Variants in XPNPEP3 observed in about 807,000 individuals in gnomAD.
XPNPEP3 encodes the protein X-prolyl aminopeptidase 3, also known as xaa-Pro aminopeptidase 3.
In XPNPEP3, 41 loss-of-function variants were observed where a neutral mutation model predicts 60.0. The observed-to-expected ratio is 0.68, with a 90% CI of 0.53 to 0.89. The LOEUF (loss-of-function observed/expected upper bound fraction) is 0.89, where lower values mean the gene tolerates loss of function less well. XPNPEP3 is among the 40% of genes least tolerant of loss of function. The pLI, the probability that XPNPEP3 is intolerant of heterozygous loss-of-function variation, is 0.00. For missense variants in XPNPEP3, 598 were observed against 638.9 expected (o/e 0.94, Z 0.69); for synonymous variants, 212 against 223.2 (o/e 0.95, Z 0.45).
intron 4 of XPNPEP3, among the ~76,000 whole-genome samples, chr22:40,904,883 GC>G (rs1340334045): frequency 6.6e-6 from 1 of 151,798 alleles, no homozygotes; most frequent in Non-Finnish European, 1.5e-5. Context: ...TTCTACTTCA[GC>G]CTCCTGAGCA....
At chr22:40,876,321 G>A (rs2058027696) in intron 2 of XPNPEP3, among the ~76,000 whole-genome samples, 1 of 152,086 alleles carries the variant, frequency 6.6e-6, no homozygotes, top group African/African-American at 2.4e-5. Context: ...ATCCTGCCTG[G>A]CTTTGGATTC....
Position 40,871,533 on chromosome 22 carries a change from T to C in XPNPEP3, c.181+2418T>C, listed in dbSNP as rs190569947. Among the ~76,000 whole-genome samples the C allele has an allele frequency of 2.0e-5, 3 of 152,384 alleles. No homozygotes were observed. In the East Asian group the frequency reaches 5.8e-4, roughly 29 times the overall value. On this transcript the variant is annotated intron_variant, in intron 2 of 9. Transcript: ENST00000357137. ...CCTTTCCTAATTATTACGCAAGTTC[T>C]ATACATACAGAAAAAGAGAATACAG...
At chr22:40,923,187 C>G (rs1429396394) in intron 8 of XPNPEP3, among the ~76,000 whole-genome samples, 1 of 150,886 alleles carries the variant, frequency 6.6e-6, no homozygotes, top group Non-Finnish European at 1.5e-5. Context: ...CACTCCAACC[C>G]GGGCCACAGA....
chr22:40,868,412 TTATTA>T (rs2057988937), intron 1 of XPNPEP3, among the ~76,000 whole-genome samples: 1 of 151,170 alleles, frequency 6.6e-6, no homozygotes, highest in South Asian at 2.1e-4. Flanking sequence ...ATTCATACCT[TTATTA>T]TATATGTGTG....
intron 6 of XPNPEP3, among the ~76,000 whole-genome samples, chr22:40,913,608 A>G (rs2058184583): frequency 6.6e-6 from 1 of 151,850 alleles, no homozygotes; most frequent in South Asian, 2.1e-4. Flanking sequence ...AAAAAAAATG[A>G]TAATAGTGAT....
chr22:40,908,301 C>G lies in XPNPEP3; in HGVS notation c.855+652C>G, dbSNP rs8143103. On this transcript the variant is annotated intron_variant, in intron 5 of 9. Coordinates refer to ENST00000357137, the MANE Select transcript of XPNPEP3 (RefSeq NM_022098.4). ...TTGGAAGGCTGAGATGGGAGGATCA[C>G]GTGAGCCCAGGAGTTTGAGACCAGC... 8.4e-3 allele frequency among the ~76,000 whole-genome samples: 1,276 copies of G among 151,878 alleles called. 18 individuals carry two copies. The highest frequency in any genetic ancestry group is 0.03 in the African/African-American group (1,222 of 41,418).
chr22:40,887,516 G>T (rs1043960957), intron 4 of XPNPEP3, among the ~76,000 whole-genome samples: 1 of 152,114 alleles, frequency 6.6e-6, no homozygotes, highest in Non-Finnish European at 1.5e-5. Flanking sequence ...TACAGAAGGC[G>T]GCTTTCTTGC....
At chr22:40,866,091 G>C (rs1432191988) in intron 1 of XPNPEP3, among the ~76,000 whole-genome samples, 2 of 151,978 alleles carry the variant, frequency 1.3e-5, no homozygotes, top group Non-Finnish European at 2.9e-5. Context: ...GCATGTAGTG[G>C]TACAACCATT....
chr22:40,871,969 G>T (rs567439811), intron 2 of XPNPEP3, among the ~76,000 whole-genome samples: 21 of 152,296 alleles, frequency 1.4e-4, no homozygotes, highest in African/African-American at 4.8e-4. Context: ...GGAGGCAGAG[G>T]TTGCAGTGAG....
rs931873094 is a variant in XPNPEP3, at chr22:40,885,779, C to T, written c.590-534C>T. 1.1e-4 allele frequency among the ~76,000 whole-genome samples: 17 copies of T among 152,080 alleles called. 2 individuals are homozygous for T. The highest frequency in any genetic ancestry group is 9.2e-4 in the Admixed American group (14 of 15,252). On this transcript the variant is annotated intron_variant, in intron 3 of 9. Transcript: ENST00000357137. Reference sequence around the variant, plus strand: ...GCGGGTGGATCACAAGTCAGGAGTTCGAGACCAGCCTGACCAATATGGTGA... The same window carrying T: ...GCGGGTGGATCACAAGTCAGGAGTTTGAGACCAGCCTGACCAATATGGTGA...
chr22:40,905,622 T>G (rs1251961183), intron 4 of XPNPEP3, among the ~76,000 whole-genome samples: 2 of 152,048 alleles, frequency 1.3e-5, no homozygotes, highest in African/African-American at 2.4e-5. Context: ...TGGAAGGTGC[T>G]AATTTAGATG....
chr22:40,879,774 G>A (rs1041586579), intron 2 of XPNPEP3, among the ~76,000 whole-genome samples: 3 of 152,100 alleles, frequency 2.0e-5, no homozygotes, highest in Admixed American at 1.3e-4. Flanking sequence ...CCGGGAAGTC[G>A]GAGGGTGCAG....
chr22:40,921,912 T>C (rs921301704), intron 7 of XPNPEP3, among the ~76,000 whole-genome samples: 3 of 152,116 alleles, frequency 2.0e-5, no homozygotes, highest in Non-Finnish European at 2.9e-5. Flanking sequence ...GTAGCCCAGA[T>C]GTTGACTAGT....
chr22:40,878,736 G>A (rs945785978), intron 2 of XPNPEP3, among the ~76,000 whole-genome samples: 37 of 151,998 alleles, frequency 2.4e-4, no homozygotes, highest in African/African-American at 7.5e-4. Flanking sequence ...ACAGGTGTGC[G>A]CCACCATACC....
intron 1 of XPNPEP3, among the ~76,000 whole-genome samples, chr22:40,866,543 C>T (rs906534184): frequency 6.6e-6 from 1 of 152,090 alleles, no homozygotes. Flanking sequence ...ATGATTTAGC[C>T]GGGGTTCTTC....
chr22:40,922,729 C>A (rs1330729052), intron 8 of XPNPEP3, among the ~76,000 whole-genome samples: 3 of 151,902 alleles, frequency 2.0e-5, no homozygotes, highest in African/African-American at 7.3e-5. Context: ...TATACACACA[C>A]ACACACACAC....
chr22:40,870,915 G>A (rs1703462932), intron 2 of XPNPEP3, among the ~76,000 whole-genome samples: 2 of 152,030 alleles, frequency 1.3e-5, no homozygotes, highest in African/African-American at 4.8e-5. Context: ...TATAATCTCA[G>A]CTACTGGGGA....
chr22:40,861,060 T>TC, intron 1 of XPNPEP3: 1 of 1,570,784 alleles, frequency 6.4e-7, no homozygotes. Flanking sequence ...ATTTGAAGAG[T>TC]CAATTTAACA....
intron 6 of XPNPEP3, 115 bp from the exon 7 acceptor site, chr22:40,914,124 A>G (rs1178695774): frequency 2.3e-6 from 2 of 868,786 alleles, no homozygotes; most frequent in Non-Finnish European, 3.8e-6. Context: ...CCTGGGCAAC[A>G]AGAGTGAAAC....
Sources: gnomAD v4.1 joint callset for allele counts (sites outside exome capture counted in the v4.1 genomes callset) on GRCh38, gnomAD v4.1.1 for gene constraint, MANE v1.5 for transcripts, NCBI Gene and HGNC (gene_info 2026-07-23, HGNC 2026-07-21) for gene names.